The following EZH1 variants were observed in gnomAD, a reference collection of about 807,000 sequenced individuals.
EZH1 encodes the protein histone-lysine N-methyltransferase EZH1.
EZH1 carries 33 observed loss-of-function variants against 100.5 expected under a neutral mutation model. The observed-to-expected ratio is 0.33, with a 90% CI of 0.25 to 0.44. EZH1 has a LOEUF of 0.44. Ranked by LOEUF, EZH1 falls within the 20% of genes least tolerant of loss-of-function variation. EZH1 has a pLI of 1.00. For missense variants in EZH1, 475 were observed against 928.4 expected, an observed-to-expected ratio of 0.51 and a Z score of 6.35; for synonymous variants, 272 against 313.8, an observed-to-expected ratio of 0.87 and a Z score of 1.41.
At chr17:42,708,770 C>T in intron 14 of EZH1, 106 bp downstream of exon 14, 13 of 1,217,922 alleles carry the variant, frequency 1.1e-5, no homozygotes, top group South Asian at 3.6e-5. Flanking sequence ...CTGCAATCTG[C>T]GGAAGTGGCA....
At chr17:42,724,512 T>C in intron 4 of EZH1, 88 bp from the exon 5 acceptor site, 1 of 1,503,562 alleles carries the variant, frequency 6.7e-7, no homozygotes, top group East Asian at 2.5e-5. Context: ...TGGCTGGGCA[T>C]AGTGGCTCAT....
In EZH1 at chr17:42,701,507, C is replaced by A. The variant is rs899783136; in HGVS notation, c.*1025G>T. The A allele has an allele frequency of 6.5e-6, 1 of 152,888 alleles. No individual in the cohort carries two copies. The highest frequency in any genetic ancestry group is 2.4e-5 in the African/African-American group (1 of 41,456). 9.5% of individuals were successfully genotyped at this position (152,888 alleles called of 1,614,324 possible). On this transcript the variant is annotated 3_prime_UTR_variant, in exon 21 of 21. Coordinates refer to ENST00000428826, the MANE Select transcript of EZH1 (RefSeq NM_001991.5). Reference sequence around the variant, plus strand: ...CTTTCCAAACAGCAGGCACTACAGACAGGAAAGCAGATTACACCAATCTTT... The same window carrying A: ...CTTTCCAAACAGCAGGCACTACAGAAAGGAAAGCAGATTACACCAATCTTT...
At position 42,738,529 on chromosome 17, in the gene EZH1, TTA is replaced by T. The variant is rs1166725165; in HGVS notation, c.-103+6480_-103+6481del. Among the ~76,000 whole-genome samples the T allele has an allele frequency of 5.1e-4, 65 of 126,472 alleles. No homozygotes were observed. The East Asian group carries it at 0.012, about 24-fold the overall frequency. The allele number at this position is 126,472 out of a possible 152,430, so 83.0% of individuals were successfully genotyped here. Reference sequence around the variant, plus strand: ...AGCCACCGTGCCCAGTCTATTTTTTTTATTTTTTTTTGAGATGGAGTCTCACT... The same window carrying T: ...AGCCACCGTGCCCAGTCTATTTTTTTTTTTTTTTTGAGATGGAGTCTCACT... On this transcript the variant is annotated intron_variant, in intron 1 of 20. Transcript: ENST00000428826.
intron 14 of EZH1, 112 bp from the exon 15 acceptor site, chr17:42,708,195 G>A: frequency 7.6e-7 from 1 of 1,309,882 alleles, no homozygotes; most frequent in Non-Finnish European, 1.0e-6. Flanking sequence ...CAATCTCCTT[G>A]GACACACATT....
chr17:42,717,216 C>A (rs1773583181), intron 10 of EZH1, among the ~76,000 whole-genome samples: 1 of 152,142 alleles, frequency 6.6e-6, no homozygotes, highest in Non-Finnish European at 1.5e-5. Flanking sequence ...GGAGTCAATA[C>A]ACATTAGGAA....
intron 1 of EZH1, among the ~76,000 whole-genome samples, chr17:42,733,742 C>G (rs955867681): frequency 7.9e-5 from 12 of 151,008 alleles, no homozygotes; most frequent in Admixed American, 2.0e-4. Context: ...GAGATTGAGA[C>G]CAGCCTGGCC....
chr17:42,709,826 C>T lies in EZH1; in HGVS notation c.1493+20G>A, dbSNP rs761434817. 1.9e-6 allele frequency: 3 copies of T among 1,612,988 alleles called. No individual in the cohort carries two copies. Among genetic ancestry groups the T allele is most frequent in the Non-Finnish European group, 1.7e-6 (2 of 1,179,012 alleles). ...AACAGCCTGGCTGTAAAACAAAACACTTTGTCCAACCCTTCTTGCCTGTGC... is the reference window on the plus strand; with the variant it reads ...AACAGCCTGGCTGTAAAACAAAACATTTTGTCCAACCCTTCTTGCCTGTGC... On this transcript the variant is annotated intron_variant, in intron 13 of 20. Coordinates refer to ENST00000428826, the MANE Select transcript of EZH1 (RefSeq NM_001991.5).
chr17:42,734,601 A>G (rs1037196140), intron 1 of EZH1, among the ~76,000 whole-genome samples: 2 of 150,602 alleles, frequency 1.3e-5, no homozygotes, highest in Non-Finnish European at 3.0e-5. Context: ...ATGGGGAGGT[A>G]GAGGCTGCAG....
rs1330604719 is a variant in EZH1, at chr17:42,702,402, T to C, written c.*130A>G. 12 of 753,876 alleles carry C rather than the reference T, an allele frequency of 1.6e-5. No individual in the cohort carries two copies. Among genetic ancestry groups the C allele is most frequent in the Non-Finnish European group, 2.2e-6 (1 of 459,316 alleles). The allele number at this position is 753,876 out of a possible 1,614,324, so 46.7% of individuals were successfully genotyped here. Reference sequence around the variant, plus strand: ...CCTCTGGACATGGCAGAGGCCTCACTACAGAGGGAGTGGGTTGGGGGGTTT... The same window carrying C: ...CCTCTGGACATGGCAGAGGCCTCACCACAGAGGGAGTGGGTTGGGGGGTTT... On this transcript the variant is annotated 3_prime_UTR_variant, in exon 21 of 21. Coordinates refer to ENST00000428826, the MANE Select transcript of EZH1 (RefSeq NM_001991.5).
Position 42,708,073 on chromosome 17 carries a change from G to T in EZH1, c.1545C>A (p.Ser515=). Residue 515 remains serine (S), a synonymous_variant, in exon 15 of 21, where the codon TCC becomes TCA. Transcript: ENST00000428826. ...AGGGTTGGTAGTTGTACACTTGTGT[G>T]GAAGAGTTATCTAGGAAAGAAAACA... ...RKIQLKKDNS[S]TQVYNYQPCD... is the part of the protein sequence containing the mutation. 3 of 1,605,858 alleles carry T rather than the reference G, an allele frequency of 1.9e-6. No individual in the cohort carries two copies. The highest frequency in any genetic ancestry group is 2.5e-6 in the Non-Finnish European group (3 of 1,176,636).
Position 42,706,076 on chromosome 17 carries a change from C to T in EZH1, c.1770G>A (p.Gly590=). Reference sequence around the variant, plus strand: ...CCTTGCAGTCCCAGTGCTCTGAGGCCCCACAGGTGAGACACAGGTCAGGGT... The same window carrying T: ...CCTTGCAGTCCCAGTGCTCTGAGGCTCCACAGGTGAGACACAGGTCAGGGT... ...ECDPDLCLTC[G]ASEHWDCKVV... Residue 590 remains glycine, a synonymous_variant, in exon 16 of 21, where the codon GGG becomes GGA. Coordinates refer to ENST00000428826, the MANE Select transcript of EZH1 (RefSeq NM_001991.5). The surrounding 1 kb of genome is among the most constrained non-coding windows in gnomAD (Gnocchi z 4.4). 1.2e-6 allele frequency: 2 copies of T among 1,614,002 alleles called. No homozygotes were observed. The highest frequency in any genetic ancestry group is 8.5e-7 in the Non-Finnish European group (1 of 1,179,982).
At chr17:42,713,617 T>G (rs1047883544) in intron 10 of EZH1, among the ~76,000 whole-genome samples, 5 of 151,354 alleles carry the variant, frequency 3.3e-5, no homozygotes, top group Admixed American at 6.6e-5. Context: ...TTGTTTGTTT[T>G]TTTGAGACAG....
At chr17:42,739,355 C>A (rs1597870943) in intron 1 of EZH1, among the ~76,000 whole-genome samples, 1 of 152,154 alleles carries the variant, frequency 6.6e-6, no homozygotes, top group South Asian at 2.1e-4. Flanking sequence ...ACAGAAAGAA[C>A]CTTCCTAACA....
chr17:42,729,121 T>A (rs2053885384), intron 2 of EZH1, 169 bp from the exon 3 acceptor site: 1 of 631,342 alleles, frequency 1.6e-6, no homozygotes, highest in Non-Finnish European at 2.5e-6. Context: ...AGTTTCAATT[T>A]AAAAAAAAGA....
At chr17:42,708,237 G>A (rs753555622) in intron 14 of EZH1, 154 bp from the exon 15 acceptor site, 87 of 866,000 alleles carry the variant, frequency 1.0e-4, no homozygotes, top group Middle Eastern at 3.7e-4. Flanking sequence ...AGGGATGACC[G>A]TTGTTCATAA....
chr17:42,722,959 C>T, intron 5 of EZH1, 44 bp from the exon 6 acceptor site: 1 of 1,595,738 alleles, frequency 6.3e-7, no homozygotes, highest in Non-Finnish European at 8.5e-7. Context: ...AGCCATCATG[C>T]ATCTGCTCTT....
At position 42,720,311 on chromosome 17, in the gene EZH1, A is replaced by G; in HGVS notation, c.626T>C (p.Leu209Pro). 6.2e-7 allele frequency: 1 copy of G among 1,614,070 alleles called. No homozygotes were observed. Among genetic ancestry groups the G allele is most frequent in the Non-Finnish European group, 8.5e-7 (1 of 1,179,996 alleles). Residue 209 changes from leucine to proline, a missense_variant, in exon 7 of 21, where the codon CTG becomes CCG. Leu to Pro is a moderately conservative substitution (Grantham distance 98). Around this residue, in one of 8 missense-constraint regions of EZH1, gnomAD observed 180 missense variants for 295.3 expected, o/e 0.61. Transcript: ENST00000428826. ...DGKQDDSKED[L>P]PVTRKRKRHA... ...TCGCTTTCTCTTTCTTGTTACTGGC[A>G]GATCTTCTTTGCTGTCATCCTGCTT... is the stretch of plus-strand genomic sequence containing the variant.
rs1156384843 is a variant in EZH1, at chr17:42,701,446, GC to G, written c.*1085del. The G allele has an allele frequency of 6.5e-6, 1 of 152,852 alleles. No homozygotes were observed. The highest frequency in any genetic ancestry group is 2.4e-5 in the African/African-American group (1 of 41,450). 9.5% of individuals were successfully genotyped at this position (152,852 alleles called of 1,614,324 possible). A position where few individuals can be genotyped will look rare whatever the true frequency, so the allele number is the denominator to read the frequency against. ...TGCCAGCCTAAACGCGTGCAATTTA[GC>G]CCCTCACCAACCTTGGAACATATTC... On this transcript the variant is annotated 3_prime_UTR_variant, in exon 21 of 21. Transcript: ENST00000428826.
In EZH1 at chr17:42,737,058, T is replaced by C. The variant is rs546082396; in HGVS notation, c.-102-6140A>G. Among the ~76,000 whole-genome samples, 13 of 148,752 alleles carry C rather than the reference T, an allele frequency of 8.7e-5. No individual in the cohort carries two copies. In the South Asian group the frequency reaches 2.8e-3, roughly 32 times the overall value. Reference sequence around the variant, plus strand: ...TGGAGTGTAATGATGCAATCTCGGCTCACTGCAACCTCCACCTTCTGGGCT... The same window carrying C: ...TGGAGTGTAATGATGCAATCTCGGCCCACTGCAACCTCCACCTTCTGGGCT... On this transcript the variant is annotated intron_variant, in intron 1 of 20. Transcript: ENST00000428826.
Sources: allele counts gnomAD v4.1 joint callset (sites outside exome capture counted in the v4.1 genomes callset), GRCh38; gene constraint gnomAD v4.1.1; regional missense constraint gnomAD v4.1.1; non-coding constraint Gnocchi (gnomAD v3.1); transcripts MANE v1.5; gene names NCBI Gene and HGNC (gene_info 2026-07-23, HGNC 2026-07-21).